PLEKHM3: variants seen among roughly 807,000 people sequenced by gnomAD.
The protein encoded by PLEKHM3 is pleckstrin homology domain-containing family M member 3.
PLEKHM3 carries 45 observed loss-of-function variants against 81.8 expected under a neutral mutation model. The ratio of observed to expected loss-of-function variants is 0.55; its 90% CI spans 0.43 to 0.71. PLEKHM3 has a LOEUF of 0.71. Among genes scored for constraint, PLEKHM3 ranks in the 30% least tolerant of loss-of-function variants. The pLI is 0.00. For missense variants in PLEKHM3, 788 were observed against 924.3 expected, an observed-to-expected ratio of 0.85 and a Z score of 1.91; for synonymous variants, 352 against 356.4, an observed-to-expected ratio of 0.99 and a Z score of 0.14.
chr2:207,831,276 G>C (rs1412503451), intron 7 of PLEKHM3, among the ~76,000 whole-genome samples: 8 of 152,344 alleles, frequency 5.3e-5, no homozygotes, highest in Middle Eastern at 6.8e-3. Flanking sequence ...AAGAGGGCTA[G>C]GGATTGCCTA....
At chr2:208,005,255 T>C (rs1382954540) in intron 1 of PLEKHM3, among the ~76,000 whole-genome samples, 1 of 152,204 alleles carries the variant, frequency 6.6e-6, no homozygotes, top group East Asian at 1.9e-4. Flanking sequence ...ACCAATATTG[T>C]TACATTATTA....
At chr2:207,899,117 C>A (rs1688337015) in intron 6 of PLEKHM3, among the ~76,000 whole-genome samples, 1 of 152,140 alleles carries the variant, frequency 6.6e-6, no homozygotes, top group Non-Finnish European at 1.5e-5. Flanking sequence ...CACATGGAGA[C>A]AATGATGTCC....
chr2:207,829,549 T>G (rs991782013), intron 7 of PLEKHM3, among the ~76,000 whole-genome samples: 5 of 152,190 alleles, frequency 3.3e-5, no homozygotes, highest in Non-Finnish European at 2.9e-5. Context: ...AGTGCTAGGA[T>G]TACAGGTGTG....
chr2:207,905,379 AG>A (rs1057392249), intron 6 of PLEKHM3, among the ~76,000 whole-genome samples: 120 of 152,354 alleles, frequency 7.9e-4, no homozygotes, highest in African/African-American at 2.6e-3. Flanking sequence ...GAGGCCAAAA[AG>A]GCCCAGGACG....
At chr2:207,925,185 G>C (rs1243008697) in intron 5 of PLEKHM3, among the ~76,000 whole-genome samples, 3 of 149,210 alleles carry the variant, frequency 2.0e-5, no homozygotes, top group African/African-American at 7.4e-5. Flanking sequence ...AAAAAAATTA[G>C]AGAGTATGAC....
intron 6 of PLEKHM3, among the ~76,000 whole-genome samples, chr2:207,883,219 C>G (rs750693204): frequency 3.9e-5 from 6 of 152,168 alleles, no homozygotes; most frequent in Non-Finnish European, 8.8e-5. Flanking sequence ...TTTCCAAAAC[C>G]ATGGCTGGTG....
At chr2:207,873,451 G>A (rs936982652) in intron 6 of PLEKHM3, among the ~76,000 whole-genome samples, 1 of 152,160 alleles carries the variant, frequency 6.6e-6, no homozygotes, top group Non-Finnish European at 1.5e-5. Flanking sequence ...AAGATTGTAC[G>A]ATTTTATAAT....
chr2:207,969,307 T>G (rs1691030800), intron 3 of PLEKHM3, among the ~76,000 whole-genome samples: 1 of 152,244 alleles, frequency 6.6e-6, no homozygotes, highest in African/African-American at 2.4e-5. Flanking sequence ...AGAATTGCTA[T>G]TCTACATGAT....
intron 5 of PLEKHM3, among the ~76,000 whole-genome samples, chr2:207,925,089 G>A (rs780460160): frequency 1.3e-5 from 2 of 151,582 alleles, no homozygotes; most frequent in African/African-American, 2.4e-5. Context: ...AGACAGTTCT[G>A]AGTGCTTAAG....
chr2:207,846,697 T>C (rs2092385069), intron 7 of PLEKHM3, among the ~76,000 whole-genome samples: 1 of 151,736 alleles, frequency 6.6e-6, no homozygotes, highest in African/African-American at 2.4e-5. Flanking sequence ...CACTCCAGCC[T>C]GGATGACAGA....
chr2:207,973,739 C>CA (rs906510268), intron 3 of PLEKHM3, among the ~76,000 whole-genome samples: 11 of 147,048 alleles, frequency 7.5e-5, no homozygotes, highest in East Asian at 2.0e-4. Context: ...AACTCCATCT[C>CA]AAAAAAAAAG....
At chr2:207,932,397 C>T (rs576381642) in intron 4 of PLEKHM3, among the ~76,000 whole-genome samples, 15 of 152,226 alleles carry the variant, frequency 9.9e-5, no homozygotes, top group Admixed American at 9.2e-4. Flanking sequence ...AGAAAGTTGG[C>T]TCAGTTTCTA....
At chr2:207,882,484 T>TG (rs1010156985) in intron 6 of PLEKHM3, among the ~76,000 whole-genome samples, 5 of 151,722 alleles carry the variant, frequency 3.3e-5, no homozygotes, top group African/African-American at 7.3e-5. Flanking sequence ...TGGTCATGGG[T>TG]GCCTGTAATC....
Position 207,840,040 on chromosome 2 carries a change from G to A in PLEKHM3, c.2109-11544C>T, listed in dbSNP as rs115422808. The stretch of plus-strand genomic sequence containing the variant: ...TCTGTGTTTTAACAAGTCCTCCTGG[G>A]AATTCTGATGAACACAGAAGTTTGA... On this transcript the variant is annotated intron_variant, in intron 7 of 7. Coordinates refer to ENST00000427836, the MANE Select transcript of PLEKHM3 (RefSeq NM_001080475.3). Among the ~76,000 whole-genome samples the A allele has an allele frequency of 4.2e-3, 636 of 152,292 alleles. 2 individuals carry two copies. Among genetic ancestry groups the A allele is most frequent in the African/African-American group, 0.012 (496 of 41,562 alleles).
At chr2:207,974,646 T>G (rs1691240470) in intron 3 of PLEKHM3, among the ~76,000 whole-genome samples, 1 of 152,198 alleles carries the variant, frequency 6.6e-6, no homozygotes, top group South Asian at 2.1e-4. Flanking sequence ...TAGTAAATTA[T>G]TATTGAATGT....
chr2:207,990,523 T>C (rs1341137864), intron 2 of PLEKHM3, among the ~76,000 whole-genome samples: 1 of 152,226 alleles, frequency 6.6e-6, no homozygotes, highest in Non-Finnish European at 1.5e-5. Flanking sequence ...TACTCGACTA[T>C]GTTCAAGCCA....
At chr2:207,901,966 T>C (rs1238520390) in intron 6 of PLEKHM3, among the ~76,000 whole-genome samples, 3 of 152,194 alleles carry the variant, frequency 2.0e-5, no homozygotes, top group Admixed American at 2.0e-4. Context: ...TGTCACGCTT[T>C]GTTTTTCTGC....
chr2:207,991,711 A>T (rs1056772478), intron 2 of PLEKHM3, among the ~76,000 whole-genome samples: 4 of 152,192 alleles, frequency 2.6e-5, no homozygotes, highest in African/African-American at 9.6e-5. Context: ...AATGTTTTTT[A>T]AAATGATCCT....
chr2:208,000,141 G>A (rs1426255182), intron 2 of PLEKHM3, among the ~76,000 whole-genome samples: 1 of 152,172 alleles, frequency 6.6e-6, no homozygotes, highest in Non-Finnish European at 1.5e-5. Context: ...AAAGTATGAG[G>A]AGAAAGGAAA....
Sources: allele counts gnomAD v4.1 joint callset (sites outside exome capture counted in the v4.1 genomes callset), GRCh38; gene constraint gnomAD v4.1.1; transcripts MANE v1.5; gene names NCBI Gene and HGNC (gene_info 2026-07-23, HGNC 2026-07-21).